Variants in LYPLAL1 observed in about 807,000 individuals in gnomAD.
The protein encoded by LYPLAL1 is lysophospholipase-like protein 1.
Under a neutral mutation model 19.7 loss-of-function variants are expected in LYPLAL1, and 23 were observed. The ratio of observed to expected loss-of-function variants is 1.17; its 90% CI spans 0.84 to 1.65. The LOEUF (loss-of-function observed/expected upper bound fraction) is 1.65, where lower values mean the gene tolerates loss of function less well. Among genes scored for constraint, LYPLAL1 ranks in the 40% most tolerant of loss-of-function variants. The probability of loss-of-function intolerance (pLI) is 0.00; values close to 1 mark genes in which losing one functional copy is unlikely to be tolerated. For synonymous variants in LYPLAL1, 119 were observed against 96.3 expected (o/e 1.24, Z -1.38); for missense variants, 355 against 279.4 (o/e 1.27, Z -1.93).
the LYPLAL1 span, among the ~76,000 whole-genome samples, chr1:219,314,873 A>G: frequency 6.6e-6 from 1 of 152,236 alleles, no homozygotes; most frequent in Non-Finnish European, 1.5e-5. Flanking sequence ...TTTAACAAAT[A>G]CCACAGGTGA....
the LYPLAL1 span, among the ~76,000 whole-genome samples, chr1:219,339,523 G>T: frequency 1.3e-5 from 2 of 152,008 alleles, no homozygotes; most frequent in African/African-American, 2.4e-5. Flanking sequence ...ACACAAATAT[G>T]CAGCTAACTG....
At chr1:219,373,884 A>G in the LYPLAL1 span, among the ~76,000 whole-genome samples, 2 of 7,678 alleles carry the variant, frequency 2.6e-4, no homozygotes, top group African/African-American at 7.6e-4. Flanking sequence ...AAAAAAAACA[A>G]AAAAAAAAAC....
the LYPLAL1 span, among the ~76,000 whole-genome samples, chr1:219,219,975 GGTT>G: frequency 1.3e-5 from 2 of 152,070 alleles, no homozygotes; most frequent in Non-Finnish European, 2.9e-5. Context: ...AAGCTCCAGG[GGTT>G]GTTGTGGAAG....
the LYPLAL1 span, among the ~76,000 whole-genome samples, chr1:219,437,378 C>T: frequency 0.013 from 1,953 of 152,194 alleles, 36 homozygotes; most frequent in African/African-American, 0.044. Flanking sequence ...CCACTCCATC[C>T]CTCCTAAATA....
downstream of LYPLAL1, among the ~76,000 whole-genome samples, chr1:219,217,401 TGTGTGTGAGA>T (rs918834108): frequency 2.9e-5 from 4 of 135,720 alleles, no homozygotes; most frequent in African/African-American, 7.8e-5. Context: ...TGTGTGTGTG[TGTGTGTGAGA>T]GATGGTTGTA....
At chr1:219,384,490 G>A in the LYPLAL1 span, among the ~76,000 whole-genome samples, 1 of 152,140 alleles carries the variant, frequency 6.6e-6, no homozygotes, top group African/African-American at 2.4e-5. Flanking sequence ...TGATCCCTCT[G>A]TTTATATATT....
At chr1:219,317,954 C>T in the LYPLAL1 span, among the ~76,000 whole-genome samples, 5 of 152,092 alleles carry the variant, frequency 3.3e-5, no homozygotes, top group Non-Finnish European at 5.9e-5. Flanking sequence ...TGTCACCAAG[C>T]GGCAGCAAGA....
At chr1:219,309,251 C>T in the LYPLAL1 span, among the ~76,000 whole-genome samples, 1 of 152,140 alleles carries the variant, frequency 6.6e-6, no homozygotes, top group African/African-American at 2.4e-5. Context: ...TTACCCAATA[C>T]CTGTGTACCC....
the LYPLAL1 span, among the ~76,000 whole-genome samples, chr1:219,304,427 G>C: frequency 6.6e-6 from 1 of 152,190 alleles, no homozygotes; most frequent in Admixed American, 6.5e-5. Flanking sequence ...TCTTGCCAAG[G>C]AAAGCATTCA....
the LYPLAL1 span, among the ~76,000 whole-genome samples, chr1:219,352,728 A>C: frequency 6.6e-6 from 1 of 152,064 alleles, no homozygotes; most frequent in Non-Finnish European, 1.5e-5. Flanking sequence ...CCTAGAGACA[A>C]AGTTTCCCCT....
the LYPLAL1 span, among the ~76,000 whole-genome samples, chr1:219,350,982 A>G: frequency 6.6e-6 from 1 of 152,118 alleles, no homozygotes; most frequent in Non-Finnish European, 1.5e-5. Context: ...GTATTTGTTC[A>G]TCTTGCTCTG....
chr1:219,188,963 T>G (rs2125053741), intron 2 of LYPLAL1, among the ~76,000 whole-genome samples: 1 of 151,910 alleles, frequency 6.6e-6, no homozygotes, highest in South Asian at 2.1e-4. Flanking sequence ...GATTTATACA[T>G]TCTTGTTTAT....
At chr1:219,404,237 A>G in the LYPLAL1 span, among the ~76,000 whole-genome samples, 1 of 152,208 alleles carries the variant, frequency 6.6e-6, no homozygotes, top group African/African-American at 2.4e-5. Flanking sequence ...TCCAAATGCC[A>G]TCACATTAAG....
At chr1:219,312,095 T>C in the LYPLAL1 span, among the ~76,000 whole-genome samples, 2 of 152,174 alleles carry the variant, frequency 1.3e-5, no homozygotes, top group Non-Finnish European at 2.9e-5. Context: ...AGAGGAAGAA[T>C]GAATGCTGGT....
At chr1:219,347,798 T>C in the LYPLAL1 span, among the ~76,000 whole-genome samples, 1 of 152,036 alleles carries the variant, frequency 6.6e-6, no homozygotes, top group Non-Finnish European at 1.5e-5. Context: ...ACAGGTCAAT[T>C]GGGTGCATGA....
intron 1 of LYPLAL1, among the ~76,000 whole-genome samples, chr1:219,178,446 C>A (rs1005979910): frequency 1.3e-5 from 2 of 152,128 alleles, no homozygotes; most frequent in Non-Finnish European, 1.5e-5. Flanking sequence ...TGAACTGATA[C>A]CTTAATGAGT....
the LYPLAL1 span, among the ~76,000 whole-genome samples, chr1:219,261,918 C>CT: frequency 6.6e-6 from 1 of 152,158 alleles, no homozygotes; most frequent in African/African-American, 2.4e-5. Context: ...GGAATGTTTG[C>CT]TTGATTATTC....
the LYPLAL1 span, among the ~76,000 whole-genome samples, chr1:219,416,799 C>G: frequency 6.6e-6 from 1 of 152,152 alleles, no homozygotes. Flanking sequence ...TTATGGATCC[C>G]TTTTGTCGCC....
the LYPLAL1 span, among the ~76,000 whole-genome samples, chr1:219,311,069 C>G: frequency 6.6e-6 from 1 of 151,944 alleles, no homozygotes; most frequent in African/African-American, 2.4e-5. Context: ...CATTACCCAC[C>G]CTGTAGTCTT....
Sources: allele counts gnomAD v4.1 joint callset (sites outside exome capture counted in the v4.1 genomes callset), GRCh38; gene constraint gnomAD v4.1.1; transcripts MANE v1.5; gene names NCBI Gene and HGNC (gene_info 2026-07-23, HGNC 2026-07-21).